Variants in FBXL13 observed in about 807,000 individuals in gnomAD.
The protein encoded by FBXL13 is F-box and leucine-rich repeat protein 13.
In FBXL13, 67 loss-of-function variants were observed where a neutral mutation model predicts 83.6. That is an observed-to-expected ratio of 0.80 (90% confidence interval 0.66 to 0.98). FBXL13 has a LOEUF of 0.98. Ranked by LOEUF, FBXL13 falls within the 50% of genes least tolerant of loss-of-function variation. The pLI is 0.00. For synonymous variants in FBXL13, 272 were observed against 299.5 expected, an observed-to-expected ratio of 0.91 and a Z score of 0.95; for missense variants, 822 against 866.5, an observed-to-expected ratio of 0.95 and a Z score of 0.64.
chr7:102,955,479 A>G (rs1279475302), intron 8 of FBXL13, among the ~76,000 whole-genome samples: 1 of 152,148 alleles, frequency 6.6e-6, no homozygotes, highest in Non-Finnish European at 1.5e-5. Context: ...AATTAAAAGA[A>G]CTAGAGAAGC....
intron 16 of FBXL13, among the ~76,000 whole-genome samples, chr7:102,865,168 T>C (rs1290318727): frequency 6.6e-6 from 1 of 152,226 alleles, no homozygotes; most frequent in African/African-American, 2.4e-5. Flanking sequence ...ACGGACTCAA[T>C]TTTCTCTTAT....
chr7:102,867,695 A>ATATATATATATATATTTTTT (rs1239781180), intron 16 of FBXL13, among the ~76,000 whole-genome samples: 1 of 49,078 alleles, frequency 2.0e-5, no homozygotes, highest in African/African-American at 1.2e-4. Context: ...ATATATATAT[A>ATATATATATATATATTTTTT]TTTTTTTTTT....
At chr7:103,068,608 T>C (rs1014426627) in intron 1 of FBXL13, among the ~76,000 whole-genome samples, 2 of 152,228 alleles carry the variant, frequency 1.3e-5, no homozygotes, top group African/African-American at 4.8e-5. Context: ...AGCTGCTTTT[T>C]TTCCCTGGGA....
Position 102,825,398 on chromosome 7 carries a change from T to A in FBXL13, c.1855-3195A>T, listed in dbSNP as rs185584969. On this transcript the variant is annotated intron_variant, in intron 18 of 19. Transcript: ENST00000313221. ...CATGCTCATCTCCCTTGCCATGCGA[T>A]TCCCTGCGTTGCCTTGGAATTCTGC... is the stretch of plus-strand genomic sequence containing the variant. Among the ~76,000 whole-genome samples the A allele has an allele frequency of 3.2e-3, 493 of 152,334 alleles. 3 individuals are homozygous for A. Among genetic ancestry groups the A allele is most frequent in the Middle Eastern group, 6.8e-3 (2 of 294 alleles).
chr7:102,881,900 A>G (rs1184860690), intron 14 of FBXL13, among the ~76,000 whole-genome samples: 1 of 152,136 alleles, frequency 6.6e-6, no homozygotes, highest in Non-Finnish European at 1.5e-5. Context: ...CCAAACCCTT[A>G]TATCTCCTCC....
chr7:102,883,219 C>T (rs1810349064), intron 14 of FBXL13, 86 bp downstream of exon 15: 1 of 1,323,564 alleles, frequency 7.6e-7, no homozygotes, highest in African/African-American at 1.5e-5. Context: ...CATGTTTACC[C>T]CACAAACCAT....
At chr7:102,953,975 A>G (rs1298427180) in intron 8 of FBXL13, among the ~76,000 whole-genome samples, 1 of 152,212 alleles carries the variant, frequency 6.6e-6, no homozygotes, top group East Asian at 1.9e-4. Flanking sequence ...AAGATGGCCG[A>G]ATAGGAACAG....
chr7:103,013,790 C>T (rs937630554), intron 6 of FBXL13, among the ~76,000 whole-genome samples: 7 of 151,164 alleles, frequency 4.6e-5, no homozygotes, highest in African/African-American at 1.2e-4. Flanking sequence ...AAGTCAGAGA[C>T]GAACTAAAGG....
At position 102,884,159 on chromosome 7, in the gene FBXL13, G is replaced by C. The variant is rs1369839228; in HGVS notation, c.1107+55C>G. 4 of 1,227,528 alleles carry C rather than the reference G, an allele frequency of 3.3e-6. No homozygotes were observed. In the African/African-American group the frequency reaches 4.5e-5, roughly 14 times the overall value. The allele number at this position is 1,227,528 out of a possible 1,614,324, so 76.0% of individuals were successfully genotyped here. A position where few individuals can be genotyped will look rare whatever the true frequency, so the allele number is the denominator to read the frequency against. ...TATTTTTCAGTAATTCAAGCCATTA[G>C]AACATATATCTATCTTATGGGACAG... is the stretch of plus-strand genomic sequence containing the variant. On this transcript the variant is annotated intron_variant, in intron 12 of 19. Coordinates refer to ENST00000313221, the Ensembl canonical transcript of FBXL13.
chr7:102,815,857 T>C (rs1797926173), intron 19 of FBXL13, among the ~76,000 whole-genome samples: 1 of 152,000 alleles, frequency 6.6e-6, no homozygotes, highest in Non-Finnish European at 1.5e-5. Flanking sequence ...TAGATGGTAA[T>C]TGTGACATAA....
chr7:103,009,918 C>T (rs1367046935), intron 6 of FBXL13, among the ~76,000 whole-genome samples: 3 of 152,182 alleles, frequency 2.0e-5, no homozygotes, highest in African/African-American at 7.2e-5. Flanking sequence ...ACAGTAGACA[C>T]CTGCCCCCAC....
intron 8 of FBXL13, chr7:102,933,812 C>G: frequency 7.8e-7 from 1 of 1,281,798 alleles, no homozygotes; most frequent in Non-Finnish European, 1.1e-6. Flanking sequence ...TCTCATTGTT[C>G]CAGAACTGCA....
intron 8 of FBXL13, among the ~76,000 whole-genome samples, chr7:102,956,118 G>A (rs995920515): frequency 2.8e-4 from 42 of 151,994 alleles, no homozygotes; most frequent in Admixed American, 9.8e-4. Flanking sequence ...GATGAATATC[G>A]ATGCAAAAAT....
At chr7:102,872,482 AAG>A in intron 16 of FBXL13, among the ~76,000 whole-genome samples, 1 of 152,348 alleles carries the variant, frequency 6.6e-6, no homozygotes. Flanking sequence ...AAGCAAATGA[AAG>A]AGTCTTTTTA....
chr7:102,829,703 AC>A, intron 18 of FBXL13, among the ~76,000 whole-genome samples: 1 of 152,086 alleles, frequency 6.6e-6, no homozygotes, highest in Admixed American at 6.5e-5. Flanking sequence ...CTACTAACTG[AC>A]CTTCGAGGTG....
chr7:103,026,199 C>T lies in FBXL13; in HGVS notation c.328-969G>A, dbSNP rs935177820. Among the ~76,000 whole-genome samples the T allele has an allele frequency of 1.1e-4, 17 of 151,872 alleles. 1 individual carries two copies. Among genetic ancestry groups the T allele is most frequent in the South Asian group, 4.2e-4 (2 of 4,816 alleles). On this transcript the variant is annotated intron_variant, in intron 5 of 19. Transcript: ENST00000313221. ...TGTCGCCCAGGCTGGAGTGCAGTGG[C>T]GTGATCTCGGCTCACTGCATCCTCC...
chr7:102,831,431 A>ACACACACCCCCC (rs1033135095), intron 18 of FBXL13, among the ~76,000 whole-genome samples: 53 of 147,230 alleles, frequency 3.6e-4, no homozygotes, highest in African/African-American at 1.2e-3. Context: ...ACACACACAC[A>ACACACACCCCCC]CCCCACTACA....
chr7:102,924,641 C>CTTTTT (rs71106699), intron 10 of FBXL13, among the ~76,000 whole-genome samples: 1 of 121,042 alleles, frequency 8.3e-6, no homozygotes, highest in Admixed American at 9.7e-5. Flanking sequence ...GTAAGCTTTT[C>CTTTTT]TTTTTTTTTT....
chr7:102,836,294 C>A (rs952725942), intron 17 of FBXL13, among the ~76,000 whole-genome samples: 13 of 152,318 alleles, frequency 8.5e-5, no homozygotes, highest in African/African-American at 3.1e-4. Flanking sequence ...AGGCTTTATG[C>A]TAAATCAGTG....
Sources: gnomAD v4.1 joint callset for allele counts (sites outside exome capture counted in the v4.1 genomes callset) on GRCh38, gnomAD v4.1.1 for gene constraint, MANE v1.5 for transcripts, NCBI Gene and HGNC (gene_info 2026-07-23, HGNC 2026-07-21) for gene names.